The following MGA variants were observed in gnomAD, a reference collection of about 807,000 sequenced individuals.
MGA encodes MAX gene-associated protein.
In MGA, 40 loss-of-function variants were observed where a neutral mutation model predicts 261.1. The ratio of observed to expected loss-of-function variants is 0.15; its 90% confidence interval spans 0.12 to 0.20. MGA has a LOEUF of 0.20. MGA is among the 10% of genes least tolerant of loss of function. MGA has a pLI of 1.00. For missense variants in MGA, 3,397 were observed against 3,630.5 expected (o/e 0.94, Z 1.65); for synonymous variants, 1,302 against 1,290.6 (o/e 1.01, Z -0.19).
chr15:41,668,081 G>A (rs2057854636), intron 1 of MGA, among the ~76,000 whole-genome samples: 1 of 151,884 alleles, frequency 6.6e-6, no homozygotes, highest in Non-Finnish European at 1.5e-5. Flanking sequence ...TGGGATTGCA[G>A]GTGTGAGCCA....
At chr15:41,660,001 T>TG (rs1205498225), upstream of MGA, among the ~76,000 whole-genome samples, 2 of 152,210 alleles carry the variant, frequency 1.3e-5, no homozygotes, top group Non-Finnish European at 2.9e-5. Context: ...TTGTGGAGGT[T>TG]GGGGGTCTGC....
intron 1 of MGA, among the ~76,000 whole-genome samples, chr15:41,633,347 C>T (rs2056632258): frequency 8.0e-6 from 1 of 124,480 alleles, no homozygotes; most frequent in African/African-American, 2.8e-5. Context: ...CATTGCCCTC[C>T]TATGGTATTT....
At chr15:41,641,852 G>A (rs1468559683) in intron 1 of MGA, among the ~76,000 whole-genome samples, 1 of 151,376 alleles carries the variant, frequency 6.6e-6, no homozygotes. Context: ...CTGGTGTGCA[G>A]TGGTGCAGTC....
intron 1 of MGA, among the ~76,000 whole-genome samples, chr15:41,661,168 G>A (rs1483072949): frequency 6.6e-6 from 1 of 152,216 alleles, no homozygotes; most frequent in Non-Finnish European, 1.5e-5. Flanking sequence ...TGGTGTGTAA[G>A]TGCAGAAATG....
At position 41,710,865 on chromosome 15, in the gene MGA, C is replaced by G; in HGVS notation, c.2600C>G (p.Thr867Arg). The G allele has an allele frequency of 1.2e-6, 2 of 1,613,946 alleles. No individual in the cohort carries two copies. The highest frequency in any genetic ancestry group is 1.7e-6 in the Non-Finnish European group (2 of 1,179,846). ...ACTAAGAGTACCAGTTATGTACGAA[C>G]ACTTGATAGTGTACTAAAGAAGCAA... Residue 867 changes from threonine (T) to arginine (R), a missense_variant, in exon 8 of 24, where the codon ACA (threonine) becomes AGA (arginine). This residue lies in a region of MGA where 519 missense variants were observed against 554.1 expected (regional missense o/e 0.94). Transcript: ENST00000219905.
chr15:41,672,571 A>C (rs2058119002), intron 2 of MGA, among the ~76,000 whole-genome samples: 1 of 152,194 alleles, frequency 6.6e-6, no homozygotes, highest in Non-Finnish European at 1.5e-5. Context: ...TCTGTCACTA[A>C]AGGGAGAAAA....
At chr15:41,707,022 G>C (rs373548884) in intron 5 of MGA, among the ~76,000 whole-genome samples, 13 of 152,092 alleles carry the variant, frequency 8.5e-5, no homozygotes, top group African/African-American at 3.1e-4. Context: ...CATTAATAAG[G>C]ACTAGAGAAC....
intron 1 of MGA, among the ~76,000 whole-genome samples, chr15:41,654,852 G>C (rs1183632883): frequency 6.6e-6 from 1 of 152,138 alleles, no homozygotes; most frequent in African/African-American, 2.4e-5. Flanking sequence ...CAAATTCACT[G>C]TTACTAAAGT....
chr15:41,698,251 C>T (rs2059648358), intron 3 of MGA, among the ~76,000 whole-genome samples: 1 of 148,902 alleles, frequency 6.7e-6, no homozygotes, highest in Non-Finnish European at 1.5e-5. Context: ...TCACTGCAAC[C>T]TCTGTTTCCC....
intron 11 of MGA, 34 bp from the exon 12 acceptor site, chr15:41,734,488 A>C (rs1417392746): frequency 6.5e-7 from 1 of 1,529,152 alleles, no homozygotes; most frequent in South Asian, 1.2e-5. Flanking sequence ...ATATATGTTA[A>C]GTTAAAGTAT....
intron 13 of MGA, among the ~76,000 whole-genome samples, chr15:41,738,712 G>A (rs560963881): frequency 1.3e-5 from 2 of 152,270 alleles, no homozygotes; most frequent in South Asian, 4.1e-4. Flanking sequence ...TAAACTTTGG[G>A]GAAGCTGCAG....
intron 9 of MGA, among the ~76,000 whole-genome samples, chr15:41,725,033 A>G (rs1236134753): frequency 6.6e-6 from 1 of 152,224 alleles, no homozygotes; most frequent in Non-Finnish European, 1.5e-5. Context: ...CCACTCAGTC[A>G]TATTTTATGT....
chr15:41,662,125 A>G (rs2057449759), intron 1 of MGA, among the ~76,000 whole-genome samples: 1 of 152,108 alleles, frequency 6.6e-6, no homozygotes, highest in African/African-American at 2.4e-5. Context: ...CTTGCCGCCA[A>G]CGGTTGTTTC....
chr15:41,713,087 C>CAT, intron 8 of MGA, 64 bp from the exon 9 acceptor site: 1 of 1,568,662 alleles, frequency 6.4e-7, no homozygotes, highest in Non-Finnish European at 8.6e-7. Context: ...AGTATATGAC[C>CAT]ATAAGTTGGT....
chr15:41,730,845 T>A (rs754276077), intron 11 of MGA, among the ~76,000 whole-genome samples: 15 of 152,200 alleles, frequency 9.9e-5, no homozygotes, highest in Non-Finnish European at 1.9e-4. Flanking sequence ...TTGCAGCAAT[T>A]CGAGCATTAA....
At chr15:41,763,092 C>CTT (rs71108131) in intron 22 of MGA, among the ~76,000 whole-genome samples, 1,450 of 63,920 alleles carry the variant, frequency 0.023, 54 homozygotes, top group African/African-American at 0.06. Flanking sequence ...TTCTTTCTTC[C>CTT]TTTTTTTTTT....
chr15:41,737,853 G>A (rs561150547), intron 13 of MGA, among the ~76,000 whole-genome samples: 8 of 152,000 alleles, frequency 5.3e-5, no homozygotes, highest in Non-Finnish European at 8.8e-5. Context: ...GGTGGCGCGC[G>A]CCTGTAATCC....
chr15:41,723,205 G>T (rs1217821745), intron 9 of MGA, among the ~76,000 whole-genome samples: 1 of 152,074 alleles, frequency 6.6e-6, no homozygotes, highest in Non-Finnish European at 1.5e-5. Flanking sequence ...GAAAGAGTAG[G>T]AGAATCTCTA....
At chr15:41,692,509 G>A (rs2059339520) in intron 2 of MGA, among the ~76,000 whole-genome samples, 2 of 152,168 alleles carry the variant, frequency 1.3e-5, no homozygotes. Flanking sequence ...GCTGCTTAGG[G>A]TTGAAAGCAG....
Sources: gnomAD v4.1 joint callset for allele counts (sites outside exome capture counted in the v4.1 genomes callset) on GRCh38, gnomAD v4.1.1 for gene constraint, gnomAD v4.1.1 regional missense constraint, MANE v1.5 for transcripts, NCBI Gene and HGNC (gene_info 2026-07-23, HGNC 2026-07-21) for gene names.